TEKT3: variants seen among roughly 807,000 people sequenced by gnomAD.
The protein encoded by TEKT3 is tektin-3.
Under a neutral mutation model 49.8 loss-of-function variants are expected in TEKT3, and 49 were observed. The ratio of observed to expected loss-of-function variants is 0.98; its 90% CI spans 0.78 to 1.25. TEKT3 has a LOEUF of 1.25. Ranked by LOEUF, TEKT3 falls within the 50% of genes most tolerant of loss-of-function variation. The probability of loss-of-function intolerance (pLI) is 0.00; values close to 1 mark genes in which losing one functional copy is unlikely to be tolerated. For missense variants in TEKT3, 595 were observed against 629.5 expected (o/e 0.95, Z 0.59); for synonymous variants, 225 against 237.2 (o/e 0.95, Z 0.47).
chr17:15,335,104 G>A (rs554553703), intron 2 of TEKT3, among the ~76,000 whole-genome samples: 1 of 152,182 alleles, frequency 6.6e-6, no homozygotes, highest in South Asian at 2.1e-4. Flanking sequence ...TGTGCCTAAA[G>A]GCAATTTTCA....
chr17:15,331,407 G>C lies in TEKT3; in HGVS notation c.179C>G (p.Ser60Cys), dbSNP rs1417518768. 1.9e-6 allele frequency: 3 copies of C among 1,614,012 alleles called. No individual in the cohort carries two copies. In the African/African-American group the frequency reaches 4.0e-5, roughly 22 times the overall value. The stretch of plus-strand genomic sequence containing the variant: ...GTACGGGGCCACGCTTGGGGAATTG[G>C]AGGCGACTTTGTAGTATGTGCTGGG... ...WRPSTYYKVA[S>C]NSPSVAPYCT... Residue 60 changes from serine to cysteine, a missense_variant, in exon 3 of 9, where the codon TCC (serine) becomes TGC (cysteine). Coordinates refer to ENST00000395930, the MANE Select transcript of TEKT3 (RefSeq NM_031898.3).
chr17:15,305,711 T>G (rs1053534272), intron 8 of TEKT3, among the ~76,000 whole-genome samples: 4 of 151,710 alleles, frequency 2.6e-5, no homozygotes, highest in Non-Finnish European at 5.9e-5. Flanking sequence ...TTTACTCCTT[T>G]CAGCCAAATA....
At chr17:15,306,667 T>G (rs1910564376) in intron 8 of TEKT3, among the ~76,000 whole-genome samples, 1 of 151,972 alleles carries the variant, frequency 6.6e-6, no homozygotes, top group Non-Finnish European at 1.5e-5. Context: ...AAACTCATTT[T>G]AAAAGCAACC....
At chr17:15,336,241 G>GA (rs1911978231) in intron 2 of TEKT3, among the ~76,000 whole-genome samples, 1 of 151,732 alleles carries the variant, frequency 6.6e-6, no homozygotes, top group African/African-American at 2.4e-5. Context: ...GACATATTTG[G>GA]AAAAAAAGAA....
chr17:15,318,682 C>T (rs1315444931), intron 5 of TEKT3, among the ~76,000 whole-genome samples: 1 of 152,048 alleles, frequency 6.6e-6, no homozygotes, highest in African/African-American at 2.4e-5. Context: ...GGACCACAGG[C>T]ACCCGCCACC....
chr17:15,335,492 A>G (rs1218633145), intron 2 of TEKT3, among the ~76,000 whole-genome samples: 1 of 152,210 alleles, frequency 6.6e-6, no homozygotes, highest in Non-Finnish European at 1.5e-5. Flanking sequence ...CGTTAGAGGT[A>G]GGGCTGAACT....
At chr17:15,308,236 C>T (rs1910620943) in intron 8 of TEKT3, among the ~76,000 whole-genome samples, 1 of 152,196 alleles carries the variant, frequency 6.6e-6, no homozygotes, top group Non-Finnish European at 1.5e-5. Context: ...GCTTATAAGA[C>T]AGGAGTTCTG....
intron 5 of TEKT3, among the ~76,000 whole-genome samples, chr17:15,317,973 ATC>A (rs1280814536): frequency 8.5e-6 from 1 of 118,064 alleles, no homozygotes; most frequent in African/African-American, 3.7e-5. Flanking sequence ...CAGAGGTCGG[ATC>A]TCTTTTTTTT....
In TEKT3 at chr17:15,312,241, C is replaced by A; in HGVS notation, c.1101+18G>T. 2.5e-6 allele frequency: 4 copies of A among 1,612,566 alleles called. No individual in the cohort carries two copies. Among genetic ancestry groups the A allele is most frequent in the African/African-American group, 1.3e-5 (1 of 75,020 alleles). On this transcript the variant is annotated intron_variant, in intron 7 of 8. Transcript: ENST00000395930. ...TCTGTCCAGGTCAGCTAAGGGGTAC[C>A]ACTGGCGGTTGATTTACCTTTGCTA... is the stretch of plus-strand genomic sequence containing the variant.
chr17:15,308,624 G>A, intron 8 of TEKT3, 40 bp downstream of exon 8: 1 of 1,585,900 alleles, frequency 6.3e-7, no homozygotes. Flanking sequence ...TGGTCTGGTG[G>A]CCCTCCGAGC....
At chr17:15,333,382 C>T (rs1911854020) in intron 2 of TEKT3, among the ~76,000 whole-genome samples, 1 of 152,190 alleles carries the variant, frequency 6.6e-6, no homozygotes. Flanking sequence ...AAAATCCACA[C>T]AGATCACATG....
At chr17:15,309,167 CG>C (rs1910666758) in intron 7 of TEKT3, among the ~76,000 whole-genome samples, 1 of 152,120 alleles carries the variant, frequency 6.6e-6, no homozygotes, top group South Asian at 2.1e-4. Flanking sequence ...CCCCAATGGC[CG>C]TTGTTAATTA....
chr17:15,321,874 T>A (rs749012502), intron 4 of TEKT3, among the ~76,000 whole-genome samples: 2 of 152,208 alleles, frequency 1.3e-5, no homozygotes, highest in Non-Finnish European at 2.9e-5. Context: ...GCGGCTGAAA[T>A]GTTCATGAAG....
Position 15,308,767 on chromosome 17 carries a change from C to T in TEKT3, c.1153G>A (p.Ala385Thr), listed in dbSNP as rs1167923220. The change falls in exon 8 of 9, where the codon GCC becomes ACC. Residue 385 changes from alanine (A) to threonine (T), a missense_variant. By Grantham distance (58) the Ala-to-Thr change is moderately conservative. Coordinates refer to ENST00000395930, the MANE Select transcript of TEKT3 (RefSeq NM_031898.3). ...AGGAAGGCAGTCTTGTCCTTGATGG[C>T]CTTCTTGATGGATTCTATGGTCATT... ...TEMTIESIKKAIKDKTAFLKV... is the reference protein window; with the variant it reads ...TEMTIESIKKTIKDKTAFLKV... 1 of 1,614,084 alleles carries T rather than the reference C, an allele frequency of 6.2e-7. No individual in the cohort carries two copies.
intron 4 of TEKT3, among the ~76,000 whole-genome samples, chr17:15,325,059 A>C (rs1911433139): frequency 1.3e-5 from 2 of 152,232 alleles, no homozygotes; most frequent in African/African-American, 4.8e-5. Context: ...ATCATTGTCA[A>C]AGATCAATAG....
intron 6 of TEKT3, 34 bp from the exon 7 acceptor site, chr17:15,312,515 G>A: frequency 6.3e-7 from 1 of 1,594,000 alleles, no homozygotes; most frequent in Middle Eastern, 1.7e-4. Context: ...ACAACAGTGA[G>A]AGTGATGAAT....
In TEKT3 at chr17:15,304,491, C is replaced by A. The variant is rs1205353725; in HGVS notation, c.1257-339G>T. Among the ~76,000 whole-genome samples the A allele has an allele frequency of 3.3e-5, 5 of 152,182 alleles. No homozygotes were observed. The highest frequency in any genetic ancestry group is 5.9e-5 in the Non-Finnish European group (4 of 68,046). On this transcript the variant is annotated intron_variant, in intron 8 of 8. Transcript: ENST00000395930. This position sits in a 1 kb window ranked among gnomAD's most constrained non-coding sequence, Gnocchi z 4.7. ...AATTTAGAGAGGTCACCAAGCCCAA[C>A]TTCCTTGTTTTACAGACTAGGAAAT...
chr17:15,314,282 G>A (rs1050488686), intron 5 of TEKT3, 52 bp from the exon 6 acceptor site: 1 of 1,606,488 alleles, frequency 6.2e-7, no homozygotes, highest in African/African-American at 1.3e-5. Context: ...ACAATGTCCT[G>A]CAAGGACACA....
At chr17:15,340,183 T>G (rs752379216) in intron 1 of TEKT3, 122 bp from the exon 2 acceptor site, 1 of 152,192 alleles carries the variant, frequency 6.6e-6, no homozygotes, top group Non-Finnish European at 1.5e-5. Flanking sequence ...GGTAAATTCA[T>G]GCAAGAATCA....
Sources: gnomAD v4.1 joint callset for allele counts (sites outside exome capture counted in the v4.1 genomes callset) on GRCh38, gnomAD v4.1.1 for gene constraint, Gnocchi (gnomAD v3.1) non-coding constraint, MANE v1.5 for transcripts, NCBI Gene and HGNC (gene_info 2026-07-23, HGNC 2026-07-21) for gene names.